The following ABCA1 variants were observed in gnomAD, a reference collection of about 807,000 sequenced individuals.
ABCA1 encodes ATP binding cassette subfamily A member 1.
ABCA1 carries 133 observed loss-of-function variants against 262.5 expected under a neutral mutation model. The ratio of observed to expected loss-of-function variants is 0.51; its 90% CI spans 0.44 to 0.59. ABCA1 has a LOEUF of 0.59. Among genes scored for constraint, ABCA1 ranks in the 20% least tolerant of loss-of-function variants. ABCA1 has a pLI of 0.00. For missense variants in ABCA1, 2,452 were observed against 2,777.5 expected, an observed-to-expected ratio of 0.88 and a Z score of 2.63; for synonymous variants, 1,022 against 1,043.5, an observed-to-expected ratio of 0.98 and a Z score of 0.40.
At position 104,827,031 on chromosome 9, in the gene ABCA1, TG is replaced by T; in HGVS notation, c.2253del (p.Ile752SerfsTer76). On this transcript the variant is annotated frameshift_variant, in exon 16 of 50. Transcript: ENST00000374736. LOFTEE classifies it high-confidence loss of function. ...GGCAGGTACAGCGTGAAGTAGATGA[TG>T]CCCCCACAGGCTGCTGCCAGGTTGG... ...SRANLAAACG[G>X]IIYFTLYLPY... 6.2e-7 allele frequency: 1 copy of T among 1,614,212 alleles called. No homozygotes were observed. The highest frequency in any genetic ancestry group is 8.5e-7 in the Non-Finnish European group (1 of 1,180,032).
intron 5 of ABCA1, among the ~76,000 whole-genome samples, chr9:104,875,808 A>G (rs1299765247): frequency 6.6e-6 from 1 of 152,070 alleles, no homozygotes; most frequent in East Asian, 1.9e-4. Context: ...TCAAATCATC[A>G]CAGTTCTCAT....
intron 39 of ABCA1, among the ~76,000 whole-genome samples, chr9:104,795,584 A>G (rs2777798): frequency 0.92 from 139,346 of 152,236 alleles, 63,862 homozygotes; most frequent in East Asian, 1. Context: ...ACTAGGACAT[A>G]TCCAGGTTGG....
At chr9:104,834,652 G>T (rs936941716) in intron 11 of ABCA1, among the ~76,000 whole-genome samples, 10 of 148,800 alleles carry the variant, frequency 6.7e-5, no homozygotes, top group African/African-American at 2.5e-4. Flanking sequence ...GCTCGTGAGG[G>T]GCAGGAGACC....
chr9:104,840,660 G>A, intron 8 of ABCA1, 141 bp from the exon 9 acceptor site: 1 of 930,924 alleles, frequency 1.1e-6, no homozygotes, highest in Non-Finnish European at 1.6e-6. Context: ...TTTGTCTGAT[G>A]TCATCTCAAA....
chr9:104,790,501 T>C (rs1334156255), intron 44 of ABCA1, among the ~76,000 whole-genome samples: 1 of 152,194 alleles, frequency 6.6e-6, no homozygotes, highest in Non-Finnish European at 1.5e-5. Flanking sequence ...CAATAAAAAC[T>C]AATTTTAAAT....
intron 47 of ABCA1, among the ~76,000 whole-genome samples, 190 bp downstream of exon 47, chr9:104,786,683 T>C (rs780895985): frequency 9.9e-5 from 15 of 152,264 alleles, no homozygotes; most frequent in African/African-American, 1.7e-4. Flanking sequence ...ATGTTTACAA[T>C]ATATTAAGTG....
chr9:104,805,833 A>G (rs1277406703), intron 31 of ABCA1, among the ~76,000 whole-genome samples: 1 of 152,144 alleles, frequency 6.6e-6, no homozygotes, highest in Non-Finnish European at 1.5e-5. Context: ...GGCTGGGCGT[A>G]GTGGCTCACG....
chr9:104,840,244 T>A (rs768426702), intron 9 of ABCA1, 35 bp downstream of exon 9: 1 of 1,613,610 alleles, frequency 6.2e-7, no homozygotes, highest in South Asian at 1.1e-5. Flanking sequence ...AGGGATGGGG[T>A]TGGGGACAGG....
rs146059377 is a variant in ABCA1, at chr9:104,902,362, A to G, written c.66+1252T>C. Among the ~76,000 whole-genome samples the G allele has an allele frequency of 6.5e-3, 987 of 152,364 alleles. 7 individuals carry two copies. Among genetic ancestry groups the G allele is most frequent in the African/African-American group, 0.023 (938 of 41,580 alleles). On this transcript the variant is annotated intron_variant, in intron 2 of 49. Coordinates refer to ENST00000374736, the MANE Select transcript of ABCA1 (RefSeq NM_005502.4). ...GAACAGGTGCCATCAAATTAAGGTC[A>G]TACAAGTAGAAAAATGGGTGGAGAA...
chr9:104,810,776 C>T (rs1435545716), intron 29 of ABCA1, 24 bp downstream of exon 29: 2 of 1,614,168 alleles, frequency 1.2e-6, no homozygotes, highest in Non-Finnish European at 1.7e-6. Context: ...TTACCCCCTC[C>T]TGGGATGTAG....
chr9:104,832,772 C>A lies in ABCA1; in HGVS notation c.1312-1G>T. The A allele has an allele frequency of 6.2e-7, 1 of 1,614,012 alleles. No homozygotes were observed. The highest frequency in any genetic ancestry group is 8.5e-7 in the Non-Finnish European group (1 of 1,179,858). ...CATTGTCCCTGCTGTCCAACAGCAT[C>A]TGCCATTCCAGTGAGAAAGTACAAG... is the stretch of plus-strand genomic sequence containing the variant. On this transcript the variant is annotated splice_acceptor_variant, in intron 11 of 49. Coordinates refer to ENST00000374736, the MANE Select transcript of ABCA1 (RefSeq NM_005502.4). LOFTEE classifies it high-confidence loss of function.
rs200962366 is a variant in ABCA1, at chr9:104,803,268, A to T, written c.4592+16T>A. 4.3e-5 allele frequency: 70 copies of T among 1,614,012 alleles called. No homozygotes were observed. Among genetic ancestry groups the T allele is most frequent in the Admixed American group, 1.3e-4 (8 of 60,004 alleles). On this transcript the variant is annotated intron_variant, in intron 33 of 49. Transcript: ENST00000374736. Reference sequence around the variant, plus strand: ...CCTCCCCCTGAGCTAAACGTGCCAGAAAGACAGCAACTTACCTAAACTCAT... The same window carrying T: ...CCTCCCCCTGAGCTAAACGTGCCAGTAAGACAGCAACTTACCTAAACTCAT...
intron 2 of ABCA1, 112 bp downstream of exon 2, chr9:104,903,502 C>T (rs1840835391): frequency 3.6e-6 from 4 of 1,121,408 alleles, no homozygotes; most frequent in Admixed American, 4.0e-5. Flanking sequence ...TCCATCAATC[C>T]CTGTGTGAAA....
chr9:104,846,991 A>T (rs766779697), intron 7 of ABCA1, among the ~76,000 whole-genome samples: 11 of 152,166 alleles, frequency 7.2e-5, no homozygotes, highest in Non-Finnish European at 1.5e-4. Context: ...TATTACAAAC[A>T]CAAACTGAGA....
intron 6 of ABCA1, among the ~76,000 whole-genome samples, chr9:104,859,176 C>T (rs7860348): frequency 0.038 from 5,745 of 152,188 alleles, 354 homozygotes; most frequent in African/African-American, 0.13. Context: ...AGACACAGAA[C>T]TATGTTCTAA....
At chr9:104,847,965 T>C (rs1835042912) in intron 7 of ABCA1, among the ~76,000 whole-genome samples, 1 of 152,158 alleles carries the variant, frequency 6.6e-6, no homozygotes, top group Non-Finnish European at 1.5e-5. Flanking sequence ...TTAACTGGCC[T>C]CAAAGTTGAC....
Position 104,826,966 on chromosome 9 carries a change from G to A in ABCA1, c.2319C>T (p.Phe773=). The change falls in exon 16 of 50, where the codon TTC becomes TTT. Residue 773 remains phenylalanine, a synonymous_variant. Transcript: ENST00000374736. ...TACTCACAGCGAAGATCTTGAGTGTGAAGCCCACGTAGTCCTGCCATGCCA... is the reference window on the plus strand; with the variant it reads ...TACTCACAGCGAAGATCTTGAGTGTAAAGCCCACGTAGTCCTGCCATGCCA... ...LCVAWQDYVG[F]TLKIFASLLS... is the part of the protein sequence containing the mutation. 6.2e-7 allele frequency: 1 copy of A among 1,613,990 alleles called. No individual in the cohort carries two copies. The highest frequency in any genetic ancestry group is 8.5e-7 in the Non-Finnish European group (1 of 1,180,024).
chr9:104,838,979 G>A (rs1834109590), intron 9 of ABCA1, among the ~76,000 whole-genome samples: 1 of 152,058 alleles, frequency 6.6e-6, no homozygotes, highest in Non-Finnish European at 1.5e-5. Flanking sequence ...AATGTCTGGA[G>A]TGCTTTACTC....
At chr9:104,918,325 C>G (rs2118522889) in intron 1 of ABCA1, among the ~76,000 whole-genome samples, 1 of 152,294 alleles carries the variant, frequency 6.6e-6, no homozygotes, top group East Asian at 1.9e-4. Context: ...CCAAACCATA[C>G]TATATGTTAA....
Sources: gnomAD v4.1 joint callset for allele counts (sites outside exome capture counted in the v4.1 genomes callset) on GRCh38, gnomAD v4.1.1 for gene constraint, MANE v1.5 for transcripts, NCBI Gene and HGNC (gene_info 2026-07-23, HGNC 2026-07-21) for gene names.